Variants in SLC17A2 observed in about 807,000 individuals in gnomAD.
SLC17A2 encodes sodium-dependent phosphate transport protein 3.
In SLC17A2, 38 loss-of-function variants were observed where a neutral mutation model predicts 52.1. The observed-to-expected ratio is 0.73, with a 90% CI of 0.56 to 0.96. The LOEUF (loss-of-function observed/expected upper bound fraction) is 0.96. Among genes scored for constraint, SLC17A2 ranks in the 40% least tolerant of loss-of-function variants. SLC17A2 has a pLI of 0.00. For synonymous variants in SLC17A2, 226 were observed against 211.9 expected, an observed-to-expected ratio of 1.07 and a Z score of -0.58; for missense variants, 508 against 583.9, an observed-to-expected ratio of 0.87 and a Z score of 1.34.
rs2151545537 is a variant in SLC17A2 at position 25,916,979 on chromosome 6, A to C, written c.758T>G (p.Leu253Arg). Residue 253 changes from leucine to arginine, a missense_variant, in exon 7 of 12, where the codon CTG becomes CGG. Physicochemically the swap from Leu to Arg is moderately radical, Grantham distance 102 (BLOSUM62 -2). Coordinates refer to ENST00000377850, the MANE Select transcript of SLC17A2 (RefSeq NM_001286123.3). ...VREKEHILSS[L>R]AQQPSSPGRA... ...AGGTGTGCACTGTACCTGTTGAGCC[A>C]GTGAGGACAGGATGTGCTCCTTTTC... 1 of 1,613,750 alleles carries C rather than the reference A, an allele frequency of 6.2e-7. No homozygotes were observed. Among genetic ancestry groups the C allele is most frequent in the Non-Finnish European group, 8.5e-7 (1 of 1,179,600 alleles).
In SLC17A2 at chr6:25,929,966, C is replaced by T. The variant is rs577934518; in HGVS notation, c.-84+311G>A. ...CACTATGCATGCGCATAGGTGCACG[C>T]GCCGCTACGCCCTGCTAATTTTTGT... On this transcript the variant is annotated intron_variant, in intron 1 of 11. Transcript: ENST00000377850. Among the ~76,000 whole-genome samples the T allele has an allele frequency of 2.7e-3, 412 of 152,208 alleles. 2 individuals carry two copies. The highest frequency in any genetic ancestry group is 4.7e-3 in the Non-Finnish European group (322 of 68,006).
Position 25,914,673 on chromosome 6 carries a change from G to A in SLC17A2, c.1212-3C>T, listed in dbSNP as rs2071298. On this transcript the variant is annotated splice_polypyrimidine_tract_variant and splice_region_variant and intron_variant, in intron 10 of 11. Transcript: ENST00000377850. ...TTCCCATGAGGAAACTTGCATATCTGTGGGAAGATGATTTTATAAATGATT... is the reference window on the plus strand; with the variant it reads ...TTCCCATGAGGAAACTTGCATATCTATGGGAAGATGATTTTATAAATGATT... 614,682 of 1,569,278 alleles carry A rather than the reference G, an allele frequency of 0.39. 126,134 individuals are homozygous for A. The highest frequency in any genetic ancestry group is 0.7 in the East Asian group (31,258 of 44,552).
intron 1 of SLC17A2, among the ~76,000 whole-genome samples, chr6:25,927,437 A>C (rs1475890093): frequency 6.6e-6 from 1 of 152,230 alleles, no homozygotes; most frequent in East Asian, 1.9e-4. Context: ...ATCCACATAC[A>C]GGAATAGAAA....
At position 25,916,785 on chromosome 6, in the gene SLC17A2, G is replaced by T; in HGVS notation, c.830C>A (p.Ala277Asp). ...KAMVTCLPLW[A>D]IFLGFFSHFW... The stretch of plus-strand genomic sequence containing the variant: ...ATGGCTGAAAAAACCCAGGAAAATG[G>T]CCCAAAGTGGTAGGCATGTGACCAT... Residue 277 changes from alanine to aspartate, a missense_variant, in exon 8 of 12, where the codon GCC becomes GAC. Transcript: ENST00000377850. The T allele has an allele frequency of 6.2e-7, 1 of 1,614,090 alleles. No homozygotes were observed. Among genetic ancestry groups the T allele is most frequent in the Non-Finnish European group, 8.5e-7 (1 of 1,179,992 alleles).
At chr6:25,921,457 G>A in intron 3 of SLC17A2, 45 bp from the exon 4 acceptor site, 2 of 1,392,562 alleles carry the variant, frequency 1.4e-6, no homozygotes, top group Admixed American at 1.8e-5. Context: ...GTCCTATTAT[G>A]AAAATCTACT....
intron 6 of SLC17A2, among the ~76,000 whole-genome samples, chr6:25,917,858 C>CCCAAGTGATGACA (rs1426036282): frequency 6.6e-6 from 1 of 152,172 alleles, no homozygotes; most frequent in African/African-American, 2.4e-5. Flanking sequence ...CATGATGACA[C>CCCAAGTGATGACA]CCAAGTGATG....
chr6:25,928,191 CT>C (rs931908915), intron 1 of SLC17A2, among the ~76,000 whole-genome samples: 3 of 152,096 alleles, frequency 2.0e-5, no homozygotes, highest in African/African-American at 7.2e-5. Context: ...ACCAGATCCC[CT>C]AATGCCTAGA....
rs897742012 is a variant in SLC17A2, at chr6:25,922,043, A to T, written c.241-631T>A. 4.6e-5 allele frequency among the ~76,000 whole-genome samples: 7 copies of T among 151,258 alleles called. No individual in the cohort carries two copies. The South Asian group carries it at 6.2e-4, about 13-fold the overall frequency. ...ATAGATTTTAAAATAAATAAATAAA[A>T]AATAAAATAGATTTTAAAATAAAAT... On this transcript the variant is annotated intron_variant, in intron 3 of 11. Transcript: ENST00000377850.
chr6:25,919,699 CAAAA>C (rs766352177), intron 5 of SLC17A2, among the ~76,000 whole-genome samples: 37 of 31,142 alleles, frequency 1.2e-3, no homozygotes, highest in African/African-American at 2.4e-3. Context: ...GACACCGTCT[CAAAA>C]AAAAAAAAAA....
At chr6:25,926,313 T>C (rs1766762601) in intron 1 of SLC17A2, among the ~76,000 whole-genome samples, 1 of 152,184 alleles carries the variant, frequency 6.6e-6, no homozygotes, top group Admixed American at 6.5e-5. Flanking sequence ...TTCATTCTGA[T>C]GGTGTTTCTC....
intron 3 of SLC17A2, among the ~76,000 whole-genome samples, chr6:25,922,109 T>G (rs971169021): frequency 2.6e-5 from 4 of 151,654 alleles, no homozygotes; most frequent in Non-Finnish European, 5.9e-5. Flanking sequence ...TCTGGCATCA[T>G]GCTATAAAGT....
chr6:25,915,601 G>A lies in SLC17A2; in HGVS notation c.1109C>T (p.Ala370Val). The A allele has an allele frequency of 6.2e-7, 1 of 1,613,562 alleles. No homozygotes were observed. The highest frequency in any genetic ancestry group is 8.5e-7 in the Non-Finnish European group (1 of 1,179,698). ...AATAATGGTTATCACGTAACTGGAG[G>A]CCACAAAGGGCAGGGCCACAGCACA... is the stretch of plus-strand genomic sequence containing the variant. ...SICAVALPFV[A>V]SSYVITIILL... The change falls in exon 10 of 12, where the codon GCC (alanine) becomes GTC (valine). Residue 370 changes from alanine (A) to valine (V), a missense_variant. Ala to Val is a moderately conservative substitution (Grantham distance 64). Transcript: ENST00000377850.
At chr6:25,919,279 C>A (rs1766448356) in intron 5 of SLC17A2, among the ~76,000 whole-genome samples, 2 of 151,720 alleles carry the variant, frequency 1.3e-5, no homozygotes, top group Non-Finnish European at 2.9e-5. Flanking sequence ...TGATTTTAAC[C>A]CGCTCAATGG....
chr6:25,925,634 C>G (rs188285206), intron 2 of SLC17A2, 135 bp downstream of exon 2: 594 of 838,674 alleles, frequency 7.1e-4, no homozygotes, highest in Admixed American at 1.7e-3. Context: ...GCAACAGGAT[C>G]AGGGGCTGGA....
intron 1 of SLC17A2, among the ~76,000 whole-genome samples, chr6:25,929,330 A>T (rs892686784): frequency 6.6e-6 from 1 of 152,230 alleles, no homozygotes; most frequent in Admixed American, 6.5e-5. Context: ...GTGAAAACAA[A>T]AGTATGAGAC....
rs1766352764 is a variant in SLC17A2, at chr6:25,917,053, G to A, written c.684C>T (p.Phe228=). 6.2e-7 allele frequency: 1 copy of A among 1,614,086 alleles called. No homozygotes were observed. The highest frequency in any genetic ancestry group is 2.2e-5 in the East Asian group (1 of 44,884). The change falls in exon 7 of 12, where the codon TTC becomes TTT. Residue 228 remains phenylalanine, a synonymous_variant. Transcript: ENST00000377850. ...STGCVCCLLW[F]TVIYDDPMHH... is the part of the protein sequence containing the mutation. ...GCATGGGGTCATCATAAATCACTGTGAACCATAGGAGACAGCAGACACAGC... is the reference window on the plus strand; with the variant it reads ...GCATGGGGTCATCATAAATCACTGTAAACCATAGGAGACAGCAGACACAGC...
intron 5 of SLC17A2, among the ~76,000 whole-genome samples, chr6:25,920,630 G>C (rs562362911): frequency 1.3e-5 from 2 of 152,300 alleles, no homozygotes; most frequent in South Asian, 2.1e-4. Context: ...ACCACCTGGA[G>C]CTGTGGTAGC....
intron 3 of SLC17A2, among the ~76,000 whole-genome samples, chr6:25,923,094 G>A (rs1469579201): frequency 2.0e-5 from 3 of 152,220 alleles, no homozygotes; most frequent in Non-Finnish European, 2.9e-5. Context: ...GGCCGAGACA[G>A]GAAAATCTCT....
chr6:25,925,743 C>G, intron 2 of SLC17A2, 26 bp downstream of exon 2: 1 of 1,608,530 alleles, frequency 6.2e-7, no homozygotes, highest in Middle Eastern at 1.7e-4. Flanking sequence ...ATTAACATAG[C>G]CTGCAAACAA....
Sources: gnomAD v4.1 joint callset for allele counts (sites outside exome capture counted in the v4.1 genomes callset) on GRCh38, gnomAD v4.1.1 for gene constraint, MANE v1.5 for transcripts, NCBI Gene and HGNC (gene_info 2026-07-23, HGNC 2026-07-21) for gene names.